The following CLSTN2 variants were observed in gnomAD, a reference collection of about 807,000 sequenced individuals.
CLSTN2 encodes the protein calsyntenin-2.
In CLSTN2, 48 loss-of-function variants were observed where a neutral mutation model predicts 101.2. The ratio of observed to expected loss-of-function variants is 0.47; its 90% CI spans 0.38 to 0.60. The LOEUF (loss-of-function observed/expected upper bound fraction) is 0.60, where lower values mean the gene tolerates loss of function less well. Among genes scored for constraint, CLSTN2 ranks in the 20% least tolerant of loss-of-function variants. The pLI is 0.00. For missense variants in CLSTN2, 1,160 were observed against 1,238.2 expected (o/e 0.94, Z 0.95); for synonymous variants, 481 against 463.6 (o/e 1.04, Z -0.48).
intron 8 of CLSTN2, among the ~76,000 whole-genome samples, chr3:140,490,168 A>G (rs1934326518): frequency 7.4e-6 from 1 of 135,862 alleles, no homozygotes; most frequent in Non-Finnish European, 1.6e-5. Flanking sequence ...ACACATATAT[A>G]CAGCCTCTGC....
In CLSTN2 at chr3:140,023,131, G is replaced by A. The variant is rs73867269; in HGVS notation, c.109+87648G>A. On this transcript the variant is annotated intron_variant, in intron 1 of 16. Coordinates refer to ENST00000458420, the MANE Select transcript of CLSTN2 (RefSeq NM_022131.3). Reference sequence around the variant, plus strand: ...CCACTCACCCAAAACCAGTGGGTTCGTTTCACTGATCTCACCCCCAGGGAA... The same window carrying A: ...CCACTCACCCAAAACCAGTGGGTTCATTTCACTGATCTCACCCCCAGGGAA... Among the ~76,000 whole-genome samples, 528 of 152,224 alleles carry A rather than the reference G, an allele frequency of 3.5e-3. 4 individuals are homozygous for A. The highest frequency in any genetic ancestry group is 0.012 in the African/African-American group (505 of 41,524).
intron 8 of CLSTN2, among the ~76,000 whole-genome samples, chr3:140,492,295 G>T (rs1934368792): frequency 6.6e-6 from 1 of 152,192 alleles, no homozygotes; most frequent in Non-Finnish European, 1.5e-5. Context: ...GGGCCCAGTA[G>T]TTCCATTCCT....
chr3:140,112,112 A>G (rs2009166385), intron 1 of CLSTN2, among the ~76,000 whole-genome samples: 1 of 152,234 alleles, frequency 6.6e-6, no homozygotes, highest in Non-Finnish European at 1.5e-5. Context: ...CATTCTGTTG[A>G]AACCAAAATT....
At chr3:140,383,973 C>A (rs2107966112) in intron 2 of CLSTN2, among the ~76,000 whole-genome samples, 1 of 152,336 alleles carries the variant, frequency 6.6e-6, no homozygotes, top group Non-Finnish European at 1.5e-5. Flanking sequence ...TTTGGCTCTG[C>A]TGGAAACGGG....
intron 2 of CLSTN2, among the ~76,000 whole-genome samples, chr3:140,235,944 G>T (rs1211368728): frequency 6.6e-6 from 1 of 152,166 alleles, no homozygotes; most frequent in Non-Finnish European, 1.5e-5. Context: ...GAGAAAATAG[G>T]ATGGTTTGTC....
intron 8 of CLSTN2, among the ~76,000 whole-genome samples, chr3:140,500,484 C>T (rs1348721466): frequency 2.0e-5 from 3 of 152,174 alleles, no homozygotes; most frequent in African/African-American, 4.8e-5. Context: ...AAGGATTATA[C>T]TAAAGGACAA....
chr3:140,383,780 G>A (rs952210951), intron 2 of CLSTN2, among the ~76,000 whole-genome samples: 1 of 152,172 alleles, frequency 6.6e-6, no homozygotes, highest in Non-Finnish European at 1.5e-5. Context: ...TAGCATAAGG[G>A]TATTTACCAT....
chr3:140,248,792 TGA>T (rs1487723596), intron 2 of CLSTN2, among the ~76,000 whole-genome samples: 1 of 152,226 alleles, frequency 6.6e-6, no homozygotes, highest in Non-Finnish European at 1.5e-5. Context: ...CATCTATACA[TGA>T]GAGACAGAAG....
At chr3:139,937,780 G>C (rs1372224263) in intron 1 of CLSTN2, among the ~76,000 whole-genome samples, 2 of 152,114 alleles carry the variant, frequency 1.3e-5, no homozygotes, top group Admixed American at 1.3e-4. Flanking sequence ...CTAGACATTT[G>C]TTTTTCCAGG....
chr3:140,203,008 T>TA (rs1161223559), intron 2 of CLSTN2, among the ~76,000 whole-genome samples: 1 of 152,176 alleles, frequency 6.6e-6, no homozygotes, highest in African/African-American at 2.4e-5. Flanking sequence ...GAGGACCCCG[T>TA]AGCCTTCAGT....
At chr3:140,061,137 T>C (rs565303774) in intron 1 of CLSTN2, among the ~76,000 whole-genome samples, 14 of 152,336 alleles carry the variant, frequency 9.2e-5, no homozygotes, top group African/African-American at 3.4e-4. Flanking sequence ...TCAATTCACA[T>C]GGAAATACTA....
At chr3:140,078,595 A>G (rs1203840346) in intron 1 of CLSTN2, among the ~76,000 whole-genome samples, 1 of 152,190 alleles carries the variant, frequency 6.6e-6, no homozygotes, top group East Asian at 1.9e-4. Flanking sequence ...CTGACACACA[A>G]AAGAGGGCGG....
chr3:140,213,038 A>C (rs1408974531), intron 2 of CLSTN2, among the ~76,000 whole-genome samples: 1 of 152,204 alleles, frequency 6.6e-6, no homozygotes, highest in Non-Finnish European at 1.5e-5. Context: ...ATCATCAAGC[A>C]ATTAAACTTC....
intron 2 of CLSTN2, among the ~76,000 whole-genome samples, chr3:140,247,564 A>C (rs990015044): frequency 4.6e-5 from 7 of 152,186 alleles, no homozygotes; most frequent in African/African-American, 1.4e-4. Flanking sequence ...GAACATCTGG[A>C]TCTCTAAAGT....
At chr3:140,326,398 C>A (rs1351023285) in intron 2 of CLSTN2, among the ~76,000 whole-genome samples, 1 of 152,164 alleles carries the variant, frequency 6.6e-6, no homozygotes, top group Non-Finnish European at 1.5e-5. Context: ...CTAAGGCTTC[C>A]AGAGATGATT....
intron 2 of CLSTN2, among the ~76,000 whole-genome samples, chr3:140,276,670 A>G (rs1171459664): frequency 6.6e-6 from 1 of 152,176 alleles, no homozygotes; most frequent in Non-Finnish European, 1.5e-5. Flanking sequence ...AATTAGGGTG[A>G]CTATCCTGCT....
intron 2 of CLSTN2, among the ~76,000 whole-genome samples, chr3:140,384,563 G>A (rs942269782): frequency 2.0e-5 from 3 of 149,748 alleles, no homozygotes; most frequent in East Asian, 1.9e-4. Context: ...GGGTCGCCTG[G>A]TGCATGTTTA....
intron 2 of CLSTN2, among the ~76,000 whole-genome samples, chr3:140,322,947 G>A (rs1184905412): frequency 6.6e-6 from 1 of 152,228 alleles, no homozygotes; most frequent in Non-Finnish European, 1.5e-5. Flanking sequence ...CTCATGCTGG[G>A]TTGATTTTCT....
At chr3:140,012,778 G>A (rs756847285) in intron 1 of CLSTN2, among the ~76,000 whole-genome samples, 1 of 152,206 alleles carries the variant, frequency 6.6e-6, no homozygotes, top group Admixed American at 6.5e-5. Context: ...GGTAAGCCTG[G>A]GTGCCTGAGG....
Sources: gnomAD v4.1 joint callset for allele counts (sites outside exome capture counted in the v4.1 genomes callset) on GRCh38, gnomAD v4.1.1 for gene constraint, MANE v1.5 for transcripts, NCBI Gene and HGNC (gene_info 2026-07-23, HGNC 2026-07-21) for gene names.